The following TMEM87B variants were observed in gnomAD, a reference collection of about 807,000 sequenced individuals.
The protein encoded by TMEM87B is transmembrane protein 87B.
In TMEM87B, 83 loss-of-function variants were observed where a neutral mutation model predicts 80.3. The ratio of observed to expected loss-of-function variants is 1.03; its 90% CI spans 0.87 to 1.24. The LOEUF (loss-of-function observed/expected upper bound fraction) is 1.24, where lower values mean the gene tolerates loss of function less well. TMEM87B is among the 50% of genes most tolerant of loss of function. The pLI, the probability that TMEM87B is intolerant of heterozygous loss-of-function variation, is 0.00. For synonymous variants in TMEM87B, 219 were observed against 230.5 expected, an observed-to-expected ratio of 0.95 and a Z score of 0.45; for missense variants, 625 against 674.4, an observed-to-expected ratio of 0.93 and a Z score of 0.81.
intron 17 of TMEM87B, among the ~76,000 whole-genome samples, chr2:112,110,053 A>G (rs1418932751): frequency 2.6e-5 from 4 of 152,166 alleles, no homozygotes; most frequent in Non-Finnish European, 5.9e-5. Flanking sequence ...GGCATGAGCC[A>G]CTGTACCCGG....
At chr2:112,104,178 A>G (rs942110233) in intron 15 of TMEM87B, among the ~76,000 whole-genome samples, 10 of 152,228 alleles carry the variant, frequency 6.6e-5, no homozygotes, top group Admixed American at 6.5e-4. Context: ...TGGATGGGGT[A>G]ATTTCTTAGG....
chr2:112,088,123 T>C (rs1679201468), intron 9 of TMEM87B, among the ~76,000 whole-genome samples: 1 of 152,188 alleles, frequency 6.6e-6, no homozygotes, highest in South Asian at 2.1e-4. Flanking sequence ...GATTGGGGAG[T>C]TAGCAGGATT....
rs141902695 is a variant in TMEM87B at position 112,111,271 on chromosome 2, C to G, written c.1578-1628C>G. 4.1e-3 allele frequency among the ~76,000 whole-genome samples: 625 copies of G among 152,244 alleles called. 12 individuals carry two copies. Among genetic ancestry groups the G allele is most frequent in the Middle Eastern group, 0.034 (10 of 294 alleles). On this transcript the variant is annotated intron_variant, in intron 17 of 18. Coordinates refer to ENST00000283206, the MANE Select transcript of TMEM87B (RefSeq NM_032824.3). ...CACCATTATTTTCCAGATTTGGAAA[C>G]TCATAACTAAGCATTTTAGAAGGAA...
At chr2:112,081,606 C>A (rs1573702685) in intron 8 of TMEM87B, 88 bp downstream of exon 8, 2 of 1,224,514 alleles carry the variant, frequency 1.6e-6, no homozygotes, top group Non-Finnish European at 2.2e-6. Flanking sequence ...CCCTTCTGAA[C>A]AGTGGTTTGG....
chr2:112,073,689 C>T (rs1040309403), intron 4 of TMEM87B, among the ~76,000 whole-genome samples: 15 of 152,062 alleles, frequency 9.9e-5, no homozygotes, highest in South Asian at 2.1e-4. Context: ...TACTTTCAGT[C>T]GGGTGTTGAA....
intron 17 of TMEM87B, among the ~76,000 whole-genome samples, chr2:112,109,586 T>C (rs1679855462): frequency 6.6e-6 from 1 of 151,802 alleles, no homozygotes; most frequent in South Asian, 2.1e-4. Flanking sequence ...TGATGTGACA[T>C]TTATCTTTTG....
chr2:112,096,980 G>A (rs908125664), intron 11 of TMEM87B, 64 bp from the exon 12 acceptor site: 4 of 1,120,280 alleles, frequency 3.6e-6, no homozygotes, highest in Non-Finnish European at 4.0e-6. Flanking sequence ...CATAGTAGAA[G>A]ATTCTGTTTT....
chr2:112,088,946 A>G (rs1679225799), intron 9 of TMEM87B, among the ~76,000 whole-genome samples: 1 of 152,122 alleles, frequency 6.6e-6, no homozygotes, highest in African/African-American at 2.4e-5. Context: ...TTTTTGGTAG[A>G]GACCGGGTTT....
intron 7 of TMEM87B, 40 bp downstream of exon 7, chr2:112,081,158 A>T (rs761184773): frequency 1.3e-6 from 2 of 1,577,608 alleles, no homozygotes; most frequent in Non-Finnish European, 1.7e-6. Context: ...TAAAAAATGA[A>T]TTTTATACCC....
intron 1 of TMEM87B, among the ~76,000 whole-genome samples, chr2:112,057,537 A>C (rs895991478): frequency 6.6e-6 from 1 of 152,058 alleles, no homozygotes; most frequent in Admixed American, 6.5e-5. Flanking sequence ...CAGCCTCCCA[A>C]AGTATTGGGA....
intron 14 of TMEM87B, among the ~76,000 whole-genome samples, chr2:112,098,920 G>A (rs1175514929): frequency 1.3e-5 from 2 of 152,202 alleles, no homozygotes; most frequent in South Asian, 2.1e-4. Flanking sequence ...TGAAGCGACA[G>A]CGCTTACATT....
intron 17 of TMEM87B, among the ~76,000 whole-genome samples, chr2:112,112,312 C>T (rs1385772049): frequency 2.0e-5 from 3 of 152,218 alleles, no homozygotes; most frequent in African/African-American, 7.2e-5. Flanking sequence ...ACACTTCTCT[C>T]TGGTACCCTT....
intron 2 of TMEM87B, among the ~76,000 whole-genome samples, chr2:112,062,525 A>C (rs1678288578): frequency 6.6e-6 from 1 of 152,254 alleles, no homozygotes; most frequent in Non-Finnish European, 1.5e-5. Flanking sequence ...CAAACATCAT[A>C]CTGTCAGTTC....
chr2:112,067,940 G>A lies in TMEM87B; in HGVS notation c.450+873G>A, dbSNP rs571456284. ...AATGATTAACAGCAGTTGGCTGGGCGTGGTGGCTCAGCCTGTAATCCCAGC... is the reference window on the plus strand; with the variant it reads ...AATGATTAACAGCAGTTGGCTGGGCATGGTGGCTCAGCCTGTAATCCCAGC... On this transcript the variant is annotated intron_variant, in intron 4 of 18. Transcript: ENST00000283206. Among the ~76,000 whole-genome samples the A allele has an allele frequency of 7.2e-5, 11 of 152,370 alleles. No homozygotes were observed. The East Asian group carries it at 2.1e-3, about 29-fold the overall frequency.
intron 11 of TMEM87B, among the ~76,000 whole-genome samples, chr2:112,094,500 G>C (rs1486179089): frequency 6.6e-6 from 1 of 151,900 alleles, no homozygotes; most frequent in Non-Finnish European, 1.5e-5. Context: ...AGTTCATTGG[G>C]AAAAACACTT....
chr2:112,107,739 C>A, intron 16 of TMEM87B, 49 bp from the exon 17 acceptor site: 2 of 1,080,882 alleles, frequency 1.9e-6, no homozygotes, highest in Non-Finnish European at 2.7e-6. Flanking sequence ...TTTAAAAATT[C>A]TGCTGTCAGG....
chr2:112,067,741 T>C (rs1678479673), intron 4 of TMEM87B, among the ~76,000 whole-genome samples: 2 of 152,242 alleles, frequency 1.3e-5, no homozygotes, highest in Non-Finnish European at 2.9e-5. Flanking sequence ...GACCTTTGCA[T>C]CCATCATCCC....
At chr2:112,070,745 A>T (rs1458663542) in intron 4 of TMEM87B, among the ~76,000 whole-genome samples, 1 of 152,174 alleles carries the variant, frequency 6.6e-6, no homozygotes, top group Non-Finnish European at 1.5e-5. Context: ...AATAGCATTG[A>T]ATCTGTAAGT....
At chr2:112,102,958 A>C (rs1432100923) in intron 15 of TMEM87B, among the ~76,000 whole-genome samples, 1 of 152,218 alleles carries the variant, frequency 6.6e-6, no homozygotes, top group African/African-American at 2.4e-5. Context: ...AGTGCAGAGA[A>C]GCAAAACAAA....
Sources: allele counts gnomAD v4.1 joint callset (sites outside exome capture counted in the v4.1 genomes callset), GRCh38; gene constraint gnomAD v4.1.1; transcripts MANE v1.5; gene names NCBI Gene and HGNC (gene_info 2026-07-23, HGNC 2026-07-21).